Variants in MGAT5 observed in about 807,000 individuals in gnomAD.
MGAT5 encodes the protein alpha-1,6-mannosylglycoprotein 6-beta-N-acetylglucosaminyltransferase A.
MGAT5 carries 30 observed loss-of-function variants against 94.3 expected under a neutral mutation model. That is an observed-to-expected ratio of 0.32 (90% CI 0.24 to 0.43). MGAT5 has a LOEUF of 0.43. Among genes scored for constraint, MGAT5 ranks in the 20% least tolerant of loss-of-function variants. MGAT5 has a pLI of 1.00. For synonymous variants in MGAT5, 310 were observed against 322.9 expected, an observed-to-expected ratio of 0.96 and a Z score of 0.43; for missense variants, 691 against 905.5, an observed-to-expected ratio of 0.76 and a Z score of 3.04.
chr2:134,203,842 CA>C (rs1163584500), intron 1 of MGAT5, among the ~76,000 whole-genome samples: 2 of 152,156 alleles, frequency 1.3e-5, no homozygotes, highest in African/African-American at 4.8e-5. Context: ...GGCCTTTAGG[CA>C]CTTGTTTAAG....
chr2:134,233,347 A>G (rs79840486), intron 1 of MGAT5, among the ~76,000 whole-genome samples: 309 of 152,326 alleles, frequency 2.0e-3, no homozygotes, highest in Non-Finnish European at 2.9e-3. Context: ...CTGACCCAGA[A>G]AATTCTTTGA....
intron 1 of MGAT5, among the ~76,000 whole-genome samples, chr2:134,160,455 T>G (rs1216959774): frequency 1.3e-5 from 2 of 152,328 alleles, no homozygotes; most frequent in East Asian, 3.9e-4. Flanking sequence ...TGCAGGCCAC[T>G]GCGCCTGGCC....
chr2:134,326,874 G>A (rs1380573381), intron 4 of MGAT5, among the ~76,000 whole-genome samples: 1 of 152,088 alleles, frequency 6.6e-6, no homozygotes, highest in African/African-American at 2.4e-5. Context: ...AAGTGAGGGA[G>A]TAAGAAGTGC....
intron 2 of MGAT5, among the ~76,000 whole-genome samples, chr2:134,312,095 CA>C (rs1460896349): frequency 1.3e-5 from 2 of 152,106 alleles, no homozygotes; most frequent in African/African-American, 2.4e-5. Context: ...ACTAAAAATG[CA>C]AAAACTAACC....
intron 1 of MGAT5, among the ~76,000 whole-genome samples, chr2:134,256,064 T>G (rs930593151): frequency 6.6e-6 from 1 of 152,238 alleles, no homozygotes; most frequent in Non-Finnish European, 1.5e-5. Flanking sequence ...ATAATCACAC[T>G]CTGCATTTAA....
At chr2:134,441,736 G>A in intron 14 of MGAT5, 22 bp from the exon 15 acceptor site, 1 of 1,598,770 alleles carries the variant, frequency 6.3e-7, no homozygotes, top group South Asian at 1.1e-5. Flanking sequence ...ACCTGTGGCT[G>A]ATGGCTTCAT....
chr2:134,384,610 TG>T (rs1221236418), intron 10 of MGAT5, among the ~76,000 whole-genome samples: 5 of 152,246 alleles, frequency 3.3e-5, no homozygotes, highest in African/African-American at 1.2e-4. Context: ...TCACATTTGA[TG>T]GCACCAGAAG....
intron 2 of MGAT5, among the ~76,000 whole-genome samples, chr2:134,302,713 ATGCTGTG>A (rs1686092955): frequency 1.5e-5 from 2 of 136,040 alleles, no homozygotes; most frequent in African/African-American, 5.5e-5. Context: ...CATTTAAGAA[ATGCTGTG>A]TGTGTGTGTG....
intron 1 of MGAT5, among the ~76,000 whole-genome samples, chr2:134,169,850 G>C (rs1447402098): frequency 6.6e-6 from 1 of 152,198 alleles, no homozygotes; most frequent in Admixed American, 6.5e-5. Context: ...GGGTGGCGCA[G>C]TAGTTTTCAG....
intron 10 of MGAT5, among the ~76,000 whole-genome samples, chr2:134,399,455 T>C (rs1377796322): frequency 6.6e-6 from 1 of 152,202 alleles, no homozygotes; most frequent in Non-Finnish European, 1.5e-5. Flanking sequence ...CCTTTGCATC[T>C]CCTCCCCTCA....
At chr2:134,169,387 TACAC>T (rs61268974) in intron 1 of MGAT5, among the ~76,000 whole-genome samples, 2,156 of 138,748 alleles carry the variant, frequency 0.016, 31 homozygotes, top group Non-Finnish European at 0.023. Context: ...AATTTAAAAA[TACAC>T]ACACACACAC....
rs113582076 is a variant in MGAT5 at position 134,189,592 on chromosome 2, G to GTTTTTTTTTTTTTTT, written c.-142-64661_-142-64660insTTTTTTTTTTTTTTT. ...ACATATGACTAACCTCATGGCTCTA[G>GTTTTTTTTTTTTTTT]TTTTTTTTTGTTTTTTTTTTTTTTT... On this transcript the variant is annotated intron_variant, in intron 1 of 16. Transcript: ENST00000409645. Among the ~76,000 whole-genome samples the GTTTTTTTTTTTTTTT allele has an allele frequency of 1.1e-3, 63 of 56,288 alleles. 4 individuals are homozygous for GTTTTTTTTTTTTTTT. The highest frequency in any genetic ancestry group is 4.5e-3 in the South Asian group (7 of 1,556). The allele number at this position is 56,288 out of a possible 152,430, so 36.9% of individuals were successfully genotyped here. A position where few individuals can be genotyped will look rare whatever the true frequency, so the allele number is the denominator to read the frequency against.
intron 1 of MGAT5, among the ~76,000 whole-genome samples, chr2:134,168,285 G>A (rs1247160303): frequency 6.6e-6 from 1 of 152,134 alleles, no homozygotes; most frequent in Non-Finnish European, 1.5e-5. Context: ...ATGGGGGGTT[G>A]GAGATCACTT....
At chr2:134,172,766 T>A (rs1413623881) in intron 1 of MGAT5, among the ~76,000 whole-genome samples, 1 of 152,254 alleles carries the variant, frequency 6.6e-6, no homozygotes, top group Non-Finnish European at 1.5e-5. Flanking sequence ...AGAAGTTAGC[T>A]TGGTAAATCA....
intron 1 of MGAT5, among the ~76,000 whole-genome samples, chr2:134,178,997 C>T: frequency 6.6e-6 from 1 of 152,160 alleles, no homozygotes; most frequent in South Asian, 2.1e-4. Context: ...TTATTTGTAA[C>T]CCTGAAATCA....
At chr2:134,326,996 A>C (rs1354713705) in intron 4 of MGAT5, among the ~76,000 whole-genome samples, 1 of 152,074 alleles carries the variant, frequency 6.6e-6, no homozygotes, top group East Asian at 1.9e-4. Flanking sequence ...CTCCACAGAG[A>C]GTTTTGTCTG....
chr2:134,375,894 C>T (rs1304839683), intron 10 of MGAT5, among the ~76,000 whole-genome samples: 9 of 152,174 alleles, frequency 5.9e-5, no homozygotes, highest in Non-Finnish European at 7.3e-5. Context: ...CATCTTCTTC[C>T]AGGCTGCTGG....
At chr2:134,422,006 A>G (rs201498676) in intron 12 of MGAT5, among the ~76,000 whole-genome samples, 1 of 105,900 alleles carries the variant, frequency 9.4e-6, no homozygotes, top group Non-Finnish European at 1.9e-5. Flanking sequence ...TGTGTATACA[A>G]AAAAAAAAAA....
intron 11 of MGAT5, among the ~76,000 whole-genome samples, chr2:134,403,521 G>A (rs1054482711): frequency 2.0e-5 from 3 of 152,214 alleles, no homozygotes; most frequent in Non-Finnish European, 4.4e-5. Context: ...TGTTCAAGGA[G>A]TGGGTTTCCC....
Sources: allele counts gnomAD v4.1 joint callset (sites outside exome capture counted in the v4.1 genomes callset), GRCh38; gene constraint gnomAD v4.1.1; transcripts MANE v1.5; gene names NCBI Gene and HGNC (gene_info 2026-07-23, HGNC 2026-07-21).